ATP8A2: variants seen among roughly 807,000 people sequenced by gnomAD.
The protein encoded by ATP8A2 is phospholipid-transporting ATPase IB.
Under a neutral mutation model 165.6 loss-of-function variants are expected in ATP8A2, and 100 were observed. The ratio of observed to expected loss-of-function variants is 0.60; its 90% CI spans 0.51 to 0.71. The LOEUF is 0.71. Ranked by LOEUF, ATP8A2 falls within the 30% of genes least tolerant of loss-of-function variation. The pLI is 0.00. For missense variants in ATP8A2, 1,227 were observed against 1,479.5 expected, an observed-to-expected ratio of 0.83 and a Z score of 2.80; for synonymous variants, 543 against 548.8, an observed-to-expected ratio of 0.99 and a Z score of 0.15.
intron 29 of ATP8A2, among the ~76,000 whole-genome samples, chr13:25,837,493 G>C (rs2419341): frequency 0.51 from 76,003 of 149,312 alleles, 20,033 homozygotes; most frequent in South Asian, 0.64. Flanking sequence ...GTGAATTCAA[G>C]ACGCCTTCTC....
At chr13:25,504,931 A>G (rs572428484) in intron 2 of ATP8A2, among the ~76,000 whole-genome samples, 20 of 152,254 alleles carry the variant, frequency 1.3e-4, no homozygotes, top group Admixed American at 2.6e-4. Context: ...ATCGGACGCT[A>G]TTAACTTCGG....
intron 24 of ATP8A2, among the ~76,000 whole-genome samples, chr13:25,680,817 G>A (rs1472343452): frequency 6.6e-6 from 1 of 152,178 alleles, no homozygotes; most frequent in Non-Finnish European, 1.5e-5. Context: ...GCCCAGGCTT[G>A]TCAGTTCCTG....
At chr13:25,853,401 A>G (rs1952064337) in intron 30 of ATP8A2, among the ~76,000 whole-genome samples, 1 of 59,874 alleles carries the variant, frequency 1.7e-5, no homozygotes, top group African/African-American at 4.8e-5. Context: ...AAAAAAATAT[A>G]TATATATATG....
intron 35 of ATP8A2, among the ~76,000 whole-genome samples, chr13:25,995,613 T>G (rs1250131751): frequency 6.6e-6 from 1 of 152,072 alleles, no homozygotes; most frequent in Admixed American, 6.5e-5. Flanking sequence ...TGTTATCTTT[T>G]TTATTTATTT....
chr13:25,952,564 C>T (rs1279710960), intron 33 of ATP8A2, among the ~76,000 whole-genome samples: 5 of 152,086 alleles, frequency 3.3e-5, no homozygotes, highest in Non-Finnish European at 5.9e-5. Flanking sequence ...TTTGTAGAAA[C>T]AGGGTCTCAC....
intron 2 of ATP8A2, among the ~76,000 whole-genome samples, chr13:25,483,356 G>A (rs537130622): frequency 2.0e-5 from 3 of 152,290 alleles, no homozygotes; most frequent in African/African-American, 7.2e-5. Context: ...CCTCAGAATA[G>A]CAGAAAGCCC....
intron 27 of ATP8A2, among the ~76,000 whole-genome samples, chr13:25,796,028 C>T (rs1950492438): frequency 6.6e-6 from 1 of 152,130 alleles, no homozygotes; most frequent in African/African-American, 2.4e-5. Flanking sequence ...TGGCTCACTG[C>T]AACCTCCACC....
chr13:26,006,044 A>G (rs1273538914), intron 35 of ATP8A2, among the ~76,000 whole-genome samples: 1 of 152,028 alleles, frequency 6.6e-6, no homozygotes, highest in Non-Finnish European at 1.5e-5. Flanking sequence ...TTGCAAACAA[A>G]CAAACAAAAA....
intron 18 of ATP8A2, 66 bp downstream of exon 18, chr13:25,571,758 C>A: frequency 7.6e-7 from 1 of 1,318,426 alleles, no homozygotes; most frequent in Non-Finnish European, 1.1e-6. Flanking sequence ...TGTGAAATGG[C>A]ATGTCTATTG....
chr13:25,783,366 G>C (rs1398649755), intron 27 of ATP8A2, among the ~76,000 whole-genome samples: 1 of 152,178 alleles, frequency 6.6e-6, no homozygotes. Context: ...ATTGAAAAAT[G>C]GGAATTAACT....
rs2038943825 is a variant in ATP8A2 at position 25,555,160 on chromosome 13, A to G, written c.1263+92A>G. The G allele has an allele frequency of 2.5e-5, 22 of 863,868 alleles. No homozygotes were observed. In the South Asian group the frequency reaches 3.1e-4, roughly 12 times the overall value. The allele number at this position is 863,868 out of a possible 1,614,324, so 53.5% of individuals were successfully genotyped here. On this transcript the variant is annotated intron_variant, in intron 13 of 36. Transcript: ENST00000381655. Reference sequence around the variant, plus strand: ...AGAACCATGGAAAGATTTTGCAAAAATACTTCTCCATGAACATGGCTAGAA... The same window carrying G: ...AGAACCATGGAAAGATTTTGCAAAAGTACTTCTCCATGAACATGGCTAGAA...
rs1460976500 is a variant in ATP8A2, at chr13:25,541,909, A to G, written c.652-10A>G. On this transcript the variant is annotated splice_polypyrimidine_tract_variant and intron_variant, in intron 8 of 36. Transcript: ENST00000381655. ...TGTGTTTGACTTCCTCTTTTGGTTT[A>G]ATCTTTTAGGGTTTGAGTCACACTG... The G allele has an allele frequency of 2.5e-6, 4 of 1,613,764 alleles. No homozygotes were observed. Among genetic ancestry groups the G allele is most frequent in the African/African-American group, 1.3e-5 (1 of 74,912 alleles).
At chr13:25,983,459 T>A (rs1044451881) in intron 35 of ATP8A2, among the ~76,000 whole-genome samples, 1 of 152,160 alleles carries the variant, frequency 6.6e-6, no homozygotes. Flanking sequence ...AAAAAAAAAT[T>A]GCACATAATA....
At position 25,899,745 on chromosome 13, in the gene ATP8A2, C is replaced by A. The variant is rs967633370; in HGVS notation, c.3183+37337C>A. Reference sequence around the variant, plus strand: ...AGCAGAGGGGTGCACGGTAGCCAGACCACGGAGGTCTTTGTAAAGGACAGA... The same window carrying A: ...AGCAGAGGGGTGCACGGTAGCCAGAACACGGAGGTCTTTGTAAAGGACAGA... On this transcript the variant is annotated intron_variant, in intron 33 of 36. Coordinates refer to ENST00000381655, the MANE Select transcript of ATP8A2 (RefSeq NM_016529.6). Among the ~76,000 whole-genome samples, 8 of 152,188 alleles carry A rather than the reference C, an allele frequency of 5.3e-5. No homozygotes were observed. In the South Asian group the frequency reaches 6.2e-4, roughly 12 times the overall value.
At chr13:25,971,156 G>T (rs987988842) in intron 35 of ATP8A2, among the ~76,000 whole-genome samples, 6 of 151,742 alleles carry the variant, frequency 4.0e-5, no homozygotes, top group African/African-American at 9.7e-5. Context: ...GGGCTCTGCC[G>T]CTCATCCTCC....
At chr13:25,589,833 T>C (rs2040022941) in intron 24 of ATP8A2, 134 bp downstream of exon 24, 3 of 562,434 alleles carry the variant, frequency 5.3e-6, no homozygotes, top group Non-Finnish European at 9.4e-6. Context: ...TTTCTGTTTA[T>C]ATTTATATTT....
intron 2 of ATP8A2, among the ~76,000 whole-genome samples, chr13:25,490,735 TTG>T (rs1002495357): frequency 1.0e-4 from 14 of 133,894 alleles, no homozygotes; most frequent in African/African-American, 2.9e-4. Flanking sequence ...TGTTTTTTTT[TTG>T]TTTGTTTGTT....
At position 25,570,834 on chromosome 13, in the gene ATP8A2, A is replaced by G. The variant is rs1566282040; in HGVS notation, c.1541A>G (p.Lys514Arg). The G allele has an allele frequency of 6.2e-7, 1 of 1,613,650 alleles. No individual in the cohort carries two copies. The highest frequency in any genetic ancestry group is 2.2e-5 in the East Asian group (1 of 44,884). The change falls in exon 17 of 37, where the codon AAG becomes AGG. Residue 514 changes from lysine to arginine, a missense_variant. Coordinates refer to ENST00000381655, the MANE Select transcript of ATP8A2 (RefSeq NM_016529.6). Reference sequence around the variant, plus strand: ...GTGTGCCACACGGTTGTTCCTGAGAAGGATGGAGATAACATCATCTACCAG... The same window carrying G: ...GTGTGCCACACGGTTGTTCCTGAGAGGGATGGAGATAACATCATCTACCAG... ...LAVCHTVVPE[K>R]DGDNIIYQAS...
At chr13:25,779,413 G>C (rs972282932) in intron 27 of ATP8A2, among the ~76,000 whole-genome samples, 3 of 151,842 alleles carry the variant, frequency 2.0e-5, no homozygotes, top group African/African-American at 7.3e-5. Flanking sequence ...GGTGGGGCAG[G>C]GGGGCGGTGT....
Sources: gnomAD v4.1 joint callset for allele counts (sites outside exome capture counted in the v4.1 genomes callset) on GRCh38, gnomAD v4.1.1 for gene constraint, MANE v1.5 for transcripts, NCBI Gene and HGNC (gene_info 2026-07-23, HGNC 2026-07-21) for gene names.